ADARB2: variants seen among roughly 807,000 people sequenced by gnomAD.
The protein encoded by ADARB2 is inactive double-stranded RNA-specific editase B2.
In ADARB2, 25 loss-of-function variants were observed where a neutral mutation model predicts 62.2. That is an observed-to-expected ratio of 0.40 (90% CI 0.29 to 0.56). The LOEUF (loss-of-function observed/expected upper bound fraction) is 0.56. ADARB2 is among the 20% of genes least tolerant of loss of function. The pLI is 0.43. For synonymous variants in ADARB2, 572 were observed against 500.8 expected, an observed-to-expected ratio of 1.14 and a Z score of -1.90; for missense variants, 1,071 against 1,077.4, an observed-to-expected ratio of 0.99 and a Z score of 0.08.
intron 1 of ADARB2, among the ~76,000 whole-genome samples, chr10:1,539,017 G>C (rs1426024173): frequency 4.6e-5 from 7 of 152,176 alleles, no homozygotes; most frequent in African/African-American, 1.4e-4. Context: ...GCAGAGACCT[G>C]CCTGGCTCCA....
chr10:1,623,511 G>A (rs1833732163), intron 1 of ADARB2, among the ~76,000 whole-genome samples: 2 of 152,208 alleles, frequency 1.3e-5, no homozygotes, highest in African/African-American at 4.8e-5. Context: ...ACAGCCCATA[G>A]AATTTTTGTC....
intron 1 of ADARB2, among the ~76,000 whole-genome samples, chr10:1,517,111 G>T (rs1832017691): frequency 6.6e-6 from 1 of 152,134 alleles, no homozygotes; most frequent in Non-Finnish European, 1.5e-5. Flanking sequence ...CAAATTCAAA[G>T]TTGGAGGCAG....
rs534094598 is a variant in ADARB2, at chr10:1,616,583, G to T, written c.100+120468C>A. Among the ~76,000 whole-genome samples the T allele has an allele frequency of 2.7e-5, 4 of 145,736 alleles. No homozygotes were observed. In the South Asian group the frequency reaches 8.9e-4, roughly 33 times the overall value. On this transcript the variant is annotated intron_variant, in intron 1 of 9. Coordinates refer to ENST00000381312, the MANE Select transcript of ADARB2 (RefSeq NM_018702.4). ...GACACACTCCGCACCACCCTGCTGTGCTCTGCATCCTGGGAACTGGCCTCA... is the reference window on the plus strand; with the variant it reads ...GACACACTCCGCACCACCCTGCTGTTCTCTGCATCCTGGGAACTGGCCTCA...
intron 4 of ADARB2, among the ~76,000 whole-genome samples, chr10:1,242,764 C>T (rs944507397): frequency 7.2e-6 from 1 of 138,460 alleles, no homozygotes; most frequent in Admixed American, 7.1e-5. Flanking sequence ...TTCACCCTAA[C>T]ACAGAAACAC....
rs371876726 is a variant in ADARB2 at position 1,458,698 on chromosome 10, C to T, written c.101-79538G>A. 6.6e-4 allele frequency among the ~76,000 whole-genome samples: 101 copies of T among 152,252 alleles called. No homozygotes were observed. The Middle Eastern group carries it at 0.01, about 15-fold the overall frequency. On this transcript the variant is annotated intron_variant, in intron 1 of 9. Transcript: ENST00000381312. ...TCCAGGAGCTAAAAATCAATTAGTT[C>T]TTAAATAACGAGGGCGGTAGCCACC... is the stretch of plus-strand genomic sequence containing the variant.
intron 3 of ADARB2, among the ~76,000 whole-genome samples, chr10:1,360,540 A>G (rs979118551): frequency 6.6e-6 from 1 of 152,146 alleles, no homozygotes; most frequent in African/African-American, 2.4e-5. Flanking sequence ...AAGTCTTTTC[A>G]TTTTTTCCCC....
intron 3 of ADARB2, chr10:1,292,644 A>G (rs1041435850): frequency 9.9e-5 from 15 of 152,144 alleles, no homozygotes; most frequent in Non-Finnish European, 1.6e-4. Flanking sequence ...CCACGGGACA[A>G]AATGTGATGA....
chr10:1,410,550 T>C (rs984555793), intron 1 of ADARB2, among the ~76,000 whole-genome samples: 5 of 152,248 alleles, frequency 3.3e-5, no homozygotes, highest in Admixed American at 1.3e-4. Flanking sequence ...GGCCTGCTCC[T>C]ATTCAGCAGA....
chr10:1,554,041 G>A (rs1029383898), intron 1 of ADARB2, among the ~76,000 whole-genome samples: 3 of 152,226 alleles, frequency 2.0e-5, no homozygotes, highest in Non-Finnish European at 4.4e-5. Flanking sequence ...GTCCTCTCAG[G>A]GGGCCTGGGT....
intron 3 of ADARB2, among the ~76,000 whole-genome samples, chr10:1,299,235 G>A (rs1193172492): frequency 6.6e-6 from 1 of 151,950 alleles, no homozygotes; most frequent in Non-Finnish European, 1.5e-5. Flanking sequence ...AAACCCACAA[G>A]CAGAGCCCGG....
At chr10:1,513,387 G>T (rs962070209) in intron 1 of ADARB2, among the ~76,000 whole-genome samples, 1 of 152,166 alleles carries the variant, frequency 6.6e-6, no homozygotes, top group Non-Finnish European at 1.5e-5. Flanking sequence ...TCCTGAAGCC[G>T]GCAGCGCCCT....
At chr10:1,437,373 A>G (rs1416641682) in intron 1 of ADARB2, among the ~76,000 whole-genome samples, 1 of 152,184 alleles carries the variant, frequency 6.6e-6, no homozygotes, top group East Asian at 1.9e-4. Context: ...GTATAGTTGC[A>G]ATTCATACAT....
At chr10:1,354,114 A>G (rs562737208) in intron 3 of ADARB2, among the ~76,000 whole-genome samples, 2 of 152,226 alleles carry the variant, frequency 1.3e-5, no homozygotes, top group African/African-American at 4.8e-5. Context: ...AGCAGCCCTG[A>G]GAAACATCGC....
chr10:1,486,210 CTGTG>C (rs61283089), intron 1 of ADARB2, among the ~76,000 whole-genome samples: 7,983 of 142,838 alleles, frequency 0.056, 232 homozygotes, highest in South Asian at 0.075. Flanking sequence ...GTGTGGACGC[CTGTG>C]TGTGTGTGTG....
At chr10:1,409,257 C>T (rs569813447) in intron 1 of ADARB2, among the ~76,000 whole-genome samples, 2 of 104,570 alleles carry the variant, frequency 1.9e-5, no homozygotes, top group Non-Finnish European at 4.5e-5. Flanking sequence ...CTCCCACCTT[C>T]GTCGCCCCGC....
At chr10:1,262,294 A>ATAC (rs1831147644) in intron 4 of ADARB2, among the ~76,000 whole-genome samples, 2 of 121,318 alleles carry the variant, frequency 1.6e-5, no homozygotes, top group Admixed American at 7.6e-5. Flanking sequence ...AAGTATAATA[A>ATAC]TAATAATAAT....
chr10:1,633,563 T>TCTAC (rs1833873807), intron 1 of ADARB2, among the ~76,000 whole-genome samples: 1 of 144,874 alleles, frequency 6.9e-6, no homozygotes, highest in African/African-American at 2.6e-5. Flanking sequence ...TATCTATCTA[T>TCTAC]CTATCTATCT....
chr10:1,694,297 A>T (rs1316657378), intron 1 of ADARB2, among the ~76,000 whole-genome samples: 3 of 152,208 alleles, frequency 2.0e-5, no homozygotes, highest in African/African-American at 7.2e-5. Context: ...AAAATAGCAA[A>T]TTGTTTCATA....
intron 1 of ADARB2, among the ~76,000 whole-genome samples, chr10:1,559,907 C>A (rs900998221): frequency 6.6e-6 from 1 of 152,222 alleles, no homozygotes; most frequent in African/African-American, 2.4e-5. Flanking sequence ...AGCGTGTCCT[C>A]ACCCTCGGGG....
Sources: gnomAD v4.1 joint callset for allele counts (sites outside exome capture counted in the v4.1 genomes callset) on GRCh38, gnomAD v4.1.1 for gene constraint, MANE v1.5 for transcripts, NCBI Gene and HGNC (gene_info 2026-07-23, HGNC 2026-07-21) for gene names.